The following PRKDC variants were observed in gnomAD, a reference collection of about 807,000 sequenced individuals.
PRKDC encodes the protein DNA-dependent protein kinase catalytic subunit.
Under a neutral mutation model 486.9 loss-of-function variants are expected in PRKDC, and 82 were observed. The observed-to-expected ratio is 0.17, with a 90% confidence interval of 0.14 to 0.20. PRKDC has a LOEUF of 0.20. Among genes scored for constraint, PRKDC ranks in the 10% least tolerant of loss-of-function variants. The pLI is 1.00. For synonymous variants in PRKDC, 1,895 were observed against 1,837.0 expected (o/e 1.03, Z -0.81); for missense variants, 4,504 against 5,038.2 (o/e 0.89, Z 3.21).
chr8:47,817,328 G>A (rs911254367), intron 68 of PRKDC, 122 bp downstream of exon 68: 11 of 675,562 alleles, frequency 1.6e-5, no homozygotes, highest in South Asian at 4.2e-5. Flanking sequence ...GAAACAGGAA[G>A]GATGGAAAAC....
Position 47,933,192 on chromosome 8 carries a change from A to G in PRKDC, c.1624-20T>C, listed in dbSNP as rs1157451684. On this transcript the variant is annotated intron_variant, in intron 15 of 85. Transcript: ENST00000314191. The stretch of plus-strand genomic sequence containing the variant: ...AGAATCCTTTAAATAAAGAAAAACA[A>G]TAAACTTCAAAATCTTGTGCAAAAA... 3 of 1,453,878 alleles carry G rather than the reference A, an allele frequency of 2.1e-6. No individual in the cohort carries two copies. The highest frequency in any genetic ancestry group is 5.2e-5 in the East Asian group (2 of 38,402). The allele number at this position is 1,453,878 out of a possible 1,614,324, so 90.1% of individuals were successfully genotyped here.
intron 58 of PRKDC, among the ~76,000 whole-genome samples, chr8:47,834,649 A>G (rs1250241819): frequency 7.0e-6 from 1 of 143,416 alleles, no homozygotes; most frequent in Non-Finnish European, 1.5e-5. Context: ...CAGGAATAAC[A>G]CTTTGTTATC....
At chr8:47,791,903 T>C (rs567000541) in intron 74 of PRKDC, among the ~76,000 whole-genome samples, 48 of 152,326 alleles carry the variant, frequency 3.2e-4, no homozygotes, top group African/African-American at 1.1e-3. Flanking sequence ...CCCATGTTTA[T>C]TGCAGCACTA....
intron 5 of PRKDC, 30 bp downstream of exon 5, chr8:47,954,307 TA>T: frequency 1.1e-6 from 1 of 939,118 alleles, no homozygotes; most frequent in Non-Finnish European, 1.5e-6. Flanking sequence ...TTTGCTAAAC[TA>T]TTTGAAAATA....
At chr8:47,951,891 G>A (rs145744667) in intron 7 of PRKDC, among the ~76,000 whole-genome samples, 297 of 152,258 alleles carry the variant, frequency 2.0e-3, no homozygotes, top group Middle Eastern at 0.01. Flanking sequence ...TCAGGGAAAC[G>A]GAAATCAAAA....
At chr8:47,905,455 C>T (rs2089762080) in intron 25 of PRKDC, among the ~76,000 whole-genome samples, 1 of 152,156 alleles carries the variant, frequency 6.6e-6, no homozygotes, top group African/African-American at 2.4e-5. Context: ...CTTTGTAATA[C>T]TCATCTTTAT....
Position 47,788,928 on chromosome 8 carries a change from G to A in PRKDC, c.10880C>T (p.Ala3627Val), listed in dbSNP as rs1047471594. ...TACCTGAATAAACTTCCTTCTAAAG[G>A]CCCCCAGGCCTGGAGCCTTTGGGTC... The part of the protein sequence containing the change: ...LGDPKAPGLG[A>V]FRRKFIQTFG... The change falls in exon 76 of 86, where the codon GCC (alanine) becomes GTC (valine). Residue 3627 changes from alanine (A) to valine (V), a missense_variant. By Grantham distance (64) the Ala-to-Val change is moderately conservative (BLOSUM62 0). Transcript: ENST00000314191. 6.3e-7 allele frequency: 1 copy of A among 1,596,574 alleles called. No individual in the cohort carries two copies. The highest frequency in any genetic ancestry group is 8.5e-7 in the Non-Finnish European group (1 of 1,174,722).
rs1315760285 is a variant in PRKDC, at chr8:47,927,199, A to G, written c.2414T>C (p.Leu805Ser). 6.2e-7 allele frequency: 1 copy of G among 1,613,338 alleles called. No homozygotes were observed. The highest frequency in any genetic ancestry group is 8.5e-7 in the Non-Finnish European group (1 of 1,179,388). Residue 805 changes from leucine (L) to serine (S), a missense_variant, in exon 21 of 86, where the codon TTG becomes TCG. Around this residue, in one of 6 missense-constraint regions of PRKDC, gnomAD observed 1,969 missense variants for 2,068.9 expected, o/e 0.95. Coordinates refer to ENST00000314191, the MANE Select transcript of PRKDC (RefSeq NM_006904.7). ...CLDGYLKTSALSDETKNNWEV... is the reference protein window; with the variant it reads ...CLDGYLKTSASSDETKNNWEV... ...ACAATTCTTCTAAACATTACCTGAC[A>G]AGGCTGAAGTCTTCAGGTATCCATC...
At position 47,834,308 on chromosome 8, in the gene PRKDC, A is replaced by C. The variant is rs1158174259; in HGVS notation, c.8040T>G (p.Phe2680Leu). ...GTAACCTTTCACTCCTCTTGTGGGC[A>C]AACAGCAAGGAGTCAGATGAGGGAC... ...HTSPSSDSLL[F>L]AHKRSERLQR... Residue 2680 changes from phenylalanine to leucine, a missense_variant, in exon 59 of 86, where the codon TTT (phenylalanine) becomes TTG (leucine). Phe to Leu is a conservative substitution (Grantham distance 22, BLOSUM62 0). Coordinates refer to ENST00000314191, the MANE Select transcript of PRKDC (RefSeq NM_006904.7). The C allele has an allele frequency of 1.2e-6, 2 of 1,614,036 alleles. No homozygotes were observed. The highest frequency in any genetic ancestry group is 1.7e-5 in the Admixed American group (1 of 60,024).
At chr8:47,926,472 T>G (rs1302399452) in intron 21 of PRKDC, among the ~76,000 whole-genome samples, 2 of 152,198 alleles carry the variant, frequency 1.3e-5, no homozygotes, top group African/African-American at 4.8e-5. Context: ...TTTTTTGGCC[T>G]CATGAAGAAA....
Position 47,929,075 on chromosome 8 carries a change from A to C in PRKDC, c.2139+17T>G. The stretch of plus-strand genomic sequence containing the variant: ...AACAGTTCATGATAACACTAAGATA[A>C]ATCATTTAAAAATTACCTCTTTGCC... On this transcript the variant is annotated intron_variant, in intron 19 of 85. Coordinates refer to ENST00000314191, the MANE Select transcript of PRKDC (RefSeq NM_006904.7). 1 of 1,468,764 alleles carries C rather than the reference A, an allele frequency of 6.8e-7. No individual in the cohort carries two copies. The highest frequency in any genetic ancestry group is 1.4e-5 in the African/African-American group (1 of 71,366). The allele number at this position is 1,468,764 out of a possible 1,614,324, so 91.0% of individuals were successfully genotyped here. A position where few individuals can be genotyped will look rare whatever the true frequency, so the allele number is the denominator to read the frequency against.
At chr8:47,906,056 G>C (rs1306133060) in intron 25 of PRKDC, among the ~76,000 whole-genome samples, 1 of 152,232 alleles carries the variant, frequency 6.6e-6, no homozygotes, top group Non-Finnish European at 1.5e-5. Context: ...ATACATGAGA[G>C]TAAAATGCTG....
chr8:47,860,809 ATACTT>A, intron 45 of PRKDC, 85 bp downstream of exon 45: 4 of 961,396 alleles, frequency 4.2e-6, no homozygotes, highest in South Asian at 1.7e-5. Context: ...TACATAAAAA[ATACTT>A]TACTCCTCTA....
At chr8:47,794,080 A>T (rs936921139) in intron 74 of PRKDC, among the ~76,000 whole-genome samples, 5 of 152,198 alleles carry the variant, frequency 3.3e-5, no homozygotes, top group Non-Finnish European at 7.3e-5. Context: ...TTTTGTTAGC[A>T]GTGTAAGATG....
rs897878675 is a variant in PRKDC, at chr8:47,957,399, A to T, written c.187T>A (p.Phe63Ile). Residue 63 changes from phenylalanine (F) to isoleucine (I), a missense_variant, in exon 2 of 86, where the codon TTC becomes ATC. Physicochemically the swap from Phe to Ile is conservative, Grantham distance 21 (BLOSUM62 0). This residue lies in a region of PRKDC where 145 missense variants were observed against 136.3 expected (regional missense o/e 1.06). Coordinates refer to ENST00000314191, the MANE Select transcript of PRKDC (RefSeq NM_006904.7). ...TTCCGGACAAATACAAGCAAACCGAAATCTCTGGAAAAAACTAAAGATGTC... is the reference window on the plus strand; with the variant it reads ...TTCCGGACAAATACAAGCAAACCGATATCTCTGGAAAAAACTAAAGATGTC... Reference protein sequence around the residue: ...LQTSLVFSRDFGLLVFVRKSL... With the variant: ...LQTSLVFSRDIGLLVFVRKSL... 20 of 1,592,564 alleles carry T rather than the reference A, an allele frequency of 1.3e-5. No homozygotes were observed. Among genetic ancestry groups the T allele is most frequent in the Non-Finnish European group, 1.7e-5 (20 of 1,168,676 alleles).
At chr8:47,928,489 GT>G (rs1488590618) in intron 19 of PRKDC, among the ~76,000 whole-genome samples, 3 of 151,762 alleles carry the variant, frequency 2.0e-5, no homozygotes, top group Non-Finnish European at 4.4e-5. Context: ...CCTCTAATTA[GT>G]TTTTTTAGGA....
At position 47,776,851 on chromosome 8, in the gene PRKDC, T is replaced by C. The variant is rs2086617397; in HGVS notation, c.12175A>G (p.Ile4059Val). ...RKLAGANPAVITCDELLLGHE... is the reference protein window; with the variant it reads ...RKLAGANPAVVTCDELLLGHE... ...CACATATAAAAATCTTACCAAGTAA[T>C]GACTGCTGGATTGGCACCTGCTAAC... Residue 4059 changes from isoleucine to valine, a missense_variant, in exon 85 of 86, where the codon ATT becomes GTT. Physicochemically the swap from Ile to Val is conservative, Grantham distance 29. This residue lies in a region of PRKDC where 706 missense variants were observed against 945.0 expected (regional missense o/e 0.75). Transcript: ENST00000314191. 3.1e-6 allele frequency: 5 copies of C among 1,613,738 alleles called. No individual in the cohort carries two copies. Among genetic ancestry groups the C allele is most frequent in the Middle Eastern group, 1.6e-4 (1 of 6,062 alleles).
chr8:47,782,490 G>C lies in PRKDC; in HGVS notation c.11284C>G (p.Gln3762Glu), dbSNP rs778525637. ...VKGGEDLRQD[Q>E]RVEQLFQVMN... ...ACCTGGAAGAGCTGCTCCACGCGCT[G>C]GTCCTGCCGCAGGTCCTCGCCACCC... is the stretch of plus-strand genomic sequence containing the variant. Residue 3762 changes from glutamine (Q) to glutamate (E), a missense_variant, in exon 79 of 86, where the codon CAG becomes GAG. Physicochemically the swap from Gln to Glu is conservative, Grantham distance 29. Coordinates refer to ENST00000314191, the MANE Select transcript of PRKDC (RefSeq NM_006904.7). The surrounding 1 kb of genome is among the most constrained non-coding windows in gnomAD (Gnocchi z 4.9). The C allele has an allele frequency of 3.8e-6, 6 of 1,580,860 alleles. No individual in the cohort carries two copies. Among genetic ancestry groups the C allele is most frequent in the Non-Finnish European group, 5.2e-6 (6 of 1,164,220 alleles).
At position 47,819,513 on chromosome 8, in the gene PRKDC, TA is replaced by T. The variant is rs11311765; in HGVS notation, c.9337-4del. 99,295 of 545,194 alleles carry T rather than the reference TA, an allele frequency of 0.18. 1,565 individuals are homozygous for T. The highest frequency in any genetic ancestry group is 0.3 in the African/African-American group (11,727 of 38,664). 33.8% of individuals were successfully genotyped at this position (545,194 alleles called of 1,614,324 possible). ...AGGACATCAATACTAGAATAATTCT[TA>T]AAAAAAAAAAAAAAAAAAAAGGGCA... On this transcript the variant is annotated splice_region_variant and splice_polypyrimidine_tract_variant and intron_variant, in intron 66 of 85. Coordinates refer to ENST00000314191, the MANE Select transcript of PRKDC (RefSeq NM_006904.7).
Sources: allele counts gnomAD v4.1 joint callset (sites outside exome capture counted in the v4.1 genomes callset), GRCh38; gene constraint gnomAD v4.1.1; regional missense constraint gnomAD v4.1.1; non-coding constraint Gnocchi (gnomAD v3.1); transcripts MANE v1.5; gene names NCBI Gene and HGNC (gene_info 2026-07-23, HGNC 2026-07-21).